BANK1: variants seen among roughly 807,000 people sequenced by gnomAD.
BANK1 encodes B-cell scaffold protein with ankyrin repeats.
In BANK1, 95 loss-of-function variants were observed where a neutral mutation model predicts 94.5. The observed-to-expected ratio is 1.00, with a 90% CI of 0.85 to 1.19. The LOEUF (loss-of-function observed/expected upper bound fraction) is 1.19, where lower values mean the gene tolerates loss of function less well. BANK1 is among the 50% of genes most tolerant of loss of function. The pLI is 0.00. For synonymous variants in BANK1, 334 were observed against 308.4 expected (o/e 1.08, Z -0.87); for missense variants, 987 against 932.2 (o/e 1.06, Z -0.77).
chr4:101,904,060 T>C (rs1722367335), intron 6 of BANK1, among the ~76,000 whole-genome samples: 1 of 152,250 alleles, frequency 6.6e-6, no homozygotes, highest in African/African-American at 2.4e-5. Flanking sequence ...TGGGACTGTT[T>C]AACATGCCCT....
chr4:102,040,829 G>A (rs944952653), intron 10 of BANK1, among the ~76,000 whole-genome samples: 1 of 152,022 alleles, frequency 6.6e-6, no homozygotes, highest in Non-Finnish European at 1.5e-5. Flanking sequence ...TTAGAGCTGA[G>A]TGAAACATTA....
intron 13 of BANK1, among the ~76,000 whole-genome samples, chr4:102,069,056 C>A (rs553819542): frequency 1.5e-4 from 22 of 151,642 alleles, no homozygotes; most frequent in Non-Finnish European, 3.1e-4. Flanking sequence ...ATACAGGAGG[C>A]AAAATGGAAT....
intron 7 of BANK1, among the ~76,000 whole-genome samples, chr4:101,968,971 C>T (rs1008346278): frequency 1.4e-4 from 21 of 152,056 alleles, no homozygotes; most frequent in Middle Eastern, 3.2e-3. Flanking sequence ...CTTTCCCAGA[C>T]CTTTGTTAGT....
intron 10 of BANK1, among the ~76,000 whole-genome samples, chr4:102,039,711 T>C (rs996440653): frequency 6.6e-6 from 1 of 152,118 alleles, no homozygotes; most frequent in African/African-American, 2.4e-5. Flanking sequence ...AAACTATGAC[T>C]GTGTCTTATT....
chr4:101,843,722 C>T (rs980315602), intron 2 of BANK1, among the ~76,000 whole-genome samples: 1 of 151,990 alleles, frequency 6.6e-6, no homozygotes, highest in Non-Finnish European at 1.5e-5. Flanking sequence ...TGAGACCAGC[C>T]TGGCCAACAA....
chr4:102,060,476 GT>G, intron 12 of BANK1, 87 bp downstream of exon 12: 1 of 1,391,706 alleles, frequency 7.2e-7, no homozygotes, highest in South Asian at 1.4e-5. Flanking sequence ...AGGAATACAG[GT>G]AACTGTTCTT....
chr4:101,865,355 C>T (rs1728028407), intron 4 of BANK1, among the ~76,000 whole-genome samples: 1 of 152,056 alleles, frequency 6.6e-6, no homozygotes, highest in South Asian at 2.1e-4. Flanking sequence ...GTGAGAAACT[C>T]CTGGGGGTAG....
chr4:102,049,477 C>A (rs970245356), intron 11 of BANK1, among the ~76,000 whole-genome samples: 8 of 152,162 alleles, frequency 5.3e-5, no homozygotes, highest in Non-Finnish European at 1.2e-4. Flanking sequence ...GCATTCTTAA[C>A]AAGCTGCCTC....
At chr4:101,839,113 A>G (rs1336797028) in intron 2 of BANK1, among the ~76,000 whole-genome samples, 3 of 152,232 alleles carry the variant, frequency 2.0e-5, no homozygotes, top group Admixed American at 6.5e-5. Context: ...TCACCAAATG[A>G]GAATTCACTT....
intron 5 of BANK1, among the ~76,000 whole-genome samples, chr4:101,886,638 T>C (rs1043647232): frequency 4.1e-4 from 63 of 152,246 alleles, no homozygotes; most frequent in African/African-American, 1.4e-3. Context: ...ATGCCTACAA[T>C]AGAAACACTT....
At chr4:101,917,315 G>T (rs1328035831) in intron 6 of BANK1, among the ~76,000 whole-genome samples, 1 of 151,864 alleles carries the variant, frequency 6.6e-6, no homozygotes, top group African/African-American at 2.4e-5. Context: ...TATTTTGTTT[G>T]TCATTGGGAT....
intron 7 of BANK1, among the ~76,000 whole-genome samples, chr4:101,996,155 G>C (rs2148934229): frequency 6.6e-6 from 1 of 152,280 alleles, no homozygotes; most frequent in South Asian, 2.1e-4. Context: ...TGGCTAGCCA[G>C]TTTTCCCAAC....
At chr4:101,852,981 C>T (rs41507945) in intron 2 of BANK1, among the ~76,000 whole-genome samples, 17,190 of 152,046 alleles carry the variant, frequency 0.11, 1,279 homozygotes, top group East Asian at 0.24. Context: ...TTTCTACAAA[C>T]TCACAAAAGT....
Position 102,029,975 on chromosome 4 carries a change from G to T in BANK1, c.1610G>T (p.Gly537Val). The change falls in exon 10 of 17, where the codon GGC (glycine) becomes GTC (valine). Residue 537 changes from glycine to valine, a missense_variant. Physicochemically the swap from Gly to Val is moderately radical, Grantham distance 109. Transcript: ENST00000322953. ...HFTLPGTMVE[G>V]QMERSQNWGH... ...TCATAAACAGGGACAATGGTGGAAG[G>T]CCAAATGGAAAGAAGTCAAAACTGG... 3 of 1,606,764 alleles carry T rather than the reference G, an allele frequency of 1.9e-6. No homozygotes were observed. Among genetic ancestry groups the T allele is most frequent in the Non-Finnish European group, 2.5e-6 (3 of 1,177,896 alleles).
intron 5 of BANK1, among the ~76,000 whole-genome samples, chr4:101,871,636 A>G (rs886806469): frequency 5.9e-5 from 9 of 152,210 alleles, no homozygotes; most frequent in African/African-American, 2.2e-4. Context: ...GTCTGAGGAC[A>G]TTTGACAAAA....
At chr4:101,954,181 C>T (rs1429991477) in intron 7 of BANK1, among the ~76,000 whole-genome samples, 2 of 152,086 alleles carry the variant, frequency 1.3e-5, no homozygotes, top group Non-Finnish European at 1.5e-5. Context: ...CTTAAAAGGA[C>T]ATCAGTCAAT....
chr4:101,974,621 T>C (rs1270256437), intron 7 of BANK1, among the ~76,000 whole-genome samples: 1 of 152,166 alleles, frequency 6.6e-6, no homozygotes, highest in Non-Finnish European at 1.5e-5. Flanking sequence ...CTAAATCTAA[T>C]ACATTTTAAA....
chr4:102,071,050 G>A (rs1189582371), intron 13 of BANK1, among the ~76,000 whole-genome samples: 2 of 152,152 alleles, frequency 1.3e-5, no homozygotes, highest in African/African-American at 4.8e-5. Flanking sequence ...ATAATACCTT[G>A]AGACAAAGGT....
At chr4:102,002,690 G>A (rs183986318) in intron 7 of BANK1, among the ~76,000 whole-genome samples, 1 of 152,038 alleles carries the variant, frequency 6.6e-6, no homozygotes, top group Middle Eastern at 3.4e-3. Flanking sequence ...ACAGCTTTCG[G>A]CCTCAGAATC....
Sources: gnomAD v4.1 joint callset for allele counts (sites outside exome capture counted in the v4.1 genomes callset) on GRCh38, gnomAD v4.1.1 for gene constraint, MANE v1.5 for transcripts, NCBI Gene and HGNC (gene_info 2026-07-23, HGNC 2026-07-21) for gene names.